SEMA3E: variants seen among roughly 807,000 people sequenced by gnomAD.
SEMA3E encodes the protein semaphorin 3E, also known as semaphorin-3E.
A neutral mutation model predicts 93.6 loss-of-function variants in SEMA3E; 49 were observed. That is an observed-to-expected ratio of 0.52 (90% CI 0.42 to 0.66). The LOEUF (loss-of-function observed/expected upper bound fraction) is 0.66. Among genes scored for constraint, SEMA3E ranks in the 30% least tolerant of loss-of-function variants. The probability of loss-of-function intolerance (pLI) is 0.00; values close to 1 mark genes in which losing one functional copy is unlikely to be tolerated. For synonymous variants in SEMA3E, 363 were observed against 330.7 expected (o/e 1.10, Z -1.06); for missense variants, 906 against 964.8 (o/e 0.94, Z 0.81).
intron 1 of SEMA3E, among the ~76,000 whole-genome samples, chr7:83,617,243 A>T (rs1022993070): frequency 6.6e-6 from 1 of 151,362 alleles, no homozygotes; most frequent in Admixed American, 6.6e-5. Context: ...CAAGGTTTAT[A>T]TATAATCCTC....
intron 4 of SEMA3E, among the ~76,000 whole-genome samples, chr7:83,444,939 G>A (rs1157379739): frequency 6.6e-6 from 1 of 152,098 alleles, no homozygotes; most frequent in Non-Finnish European, 1.5e-5. Flanking sequence ...CCAAAGTGCT[G>A]GGATTACAGG....
In SEMA3E at chr7:83,453,470, C is replaced by T. The variant is rs532373080; in HGVS notation, c.456+13012G>A. ...GTCAGGTAATCTCTATTTTTATGGC[C>T]CGTAATCTCCATTACATTTCTAGCA... On this transcript the variant is annotated intron_variant, in intron 4 of 16. Coordinates refer to ENST00000643230, the MANE Select transcript of SEMA3E (RefSeq NM_012431.3). Among the ~76,000 whole-genome samples, 5 of 149,734 alleles carry T rather than the reference C, an allele frequency of 3.3e-5. No homozygotes were observed. In the South Asian group the frequency reaches 1.1e-3, roughly 32 times the overall value.
chr7:83,609,768 T>C (rs904880967), intron 1 of SEMA3E, among the ~76,000 whole-genome samples: 6 of 151,992 alleles, frequency 3.9e-5, no homozygotes, highest in African/African-American at 9.7e-5. Flanking sequence ...GTTTATCACT[T>C]TCTTATCTGA....
chr7:83,411,700 AC>A (rs1788442016), intron 5 of SEMA3E, among the ~76,000 whole-genome samples: 1 of 152,142 alleles, frequency 6.6e-6, no homozygotes, highest in Admixed American at 6.5e-5. Flanking sequence ...ATTTATTATA[AC>A]TATTTGGTAT....
chr7:83,625,754 T>C (rs1220904537), intron 1 of SEMA3E, among the ~76,000 whole-genome samples: 1 of 151,462 alleles, frequency 6.6e-6, no homozygotes, highest in Non-Finnish European at 1.5e-5. Context: ...TAAATAGGAG[T>C]GGGGAGAGAG....
At chr7:83,553,509 C>T (rs1791818966) in intron 1 of SEMA3E, among the ~76,000 whole-genome samples, 2 of 152,148 alleles carry the variant, frequency 1.3e-5, no homozygotes, top group Admixed American at 1.3e-4. Flanking sequence ...TTAATTTCCT[C>T]AGGGCTAGTA....
chr7:83,424,346 C>A (rs1788728117), intron 4 of SEMA3E, among the ~76,000 whole-genome samples: 1 of 152,126 alleles, frequency 6.6e-6, no homozygotes, highest in Non-Finnish European at 1.5e-5. Context: ...TCGACCCTGT[C>A]CTGAAACTTG....
At position 83,494,038 on chromosome 7, in the gene SEMA3E, T is replaced by A. The variant is rs553738105; in HGVS notation, c.116-3764A>T. Among the ~76,000 whole-genome samples the A allele has an allele frequency of 2.0e-5, 3 of 152,032 alleles. No individual in the cohort carries two copies. The East Asian group carries it at 5.8e-4, about 29-fold the overall frequency. On this transcript the variant is annotated intron_variant, in intron 1 of 16. Coordinates refer to ENST00000643230, the MANE Select transcript of SEMA3E (RefSeq NM_012431.3). ...TCTTATTTATTCAATATTAACTCAA[T>A]TTTTCTACTTTATTTGATTAATTTG...
At chr7:83,495,294 C>A (rs538086790) in intron 1 of SEMA3E, among the ~76,000 whole-genome samples, 1 of 151,636 alleles carries the variant, frequency 6.6e-6, no homozygotes, top group African/African-American at 2.4e-5. Flanking sequence ...TCATTTTTCC[C>A]GATAATAACT....
chr7:83,549,706 T>C (rs1791721447), intron 1 of SEMA3E, among the ~76,000 whole-genome samples: 1 of 152,098 alleles, frequency 6.6e-6, no homozygotes, highest in African/African-American at 2.4e-5. Context: ...TTTATCCACT[T>C]ATTTTCATCT....
At chr7:83,556,648 A>G (rs1190712090) in intron 1 of SEMA3E, among the ~76,000 whole-genome samples, 1 of 151,688 alleles carries the variant, frequency 6.6e-6, no homozygotes, top group Non-Finnish European at 1.5e-5. Context: ...GGGGATCTCA[A>G]GTAAATTATT....
chr7:83,550,918 C>T (rs1791750965), intron 1 of SEMA3E, among the ~76,000 whole-genome samples: 1 of 151,974 alleles, frequency 6.6e-6, no homozygotes, highest in African/African-American at 2.4e-5. Context: ...CATTTCAATA[C>T]ACATATAAAA....
At chr7:83,436,278 G>A (rs1789002693) in intron 4 of SEMA3E, among the ~76,000 whole-genome samples, 1 of 151,656 alleles carries the variant, frequency 6.6e-6, no homozygotes, top group African/African-American at 2.4e-5. Flanking sequence ...AAATAAAAAT[G>A]TTGTCTGATC....
In SEMA3E at chr7:83,484,380, TA is replaced by T. The variant is rs1243102259; in HGVS notation, c.276+5733del. Reference sequence around the variant, plus strand: ...TCATCCATTGCTACTTTCTCCTCATTAATTGAATATGTTTTCACCTAGCTTA... The same window carrying T: ...TCATCCATTGCTACTTTCTCCTCATTATTGAATATGTTTTCACCTAGCTTA... On this transcript the variant is annotated intron_variant, in intron 2 of 16. Transcript: ENST00000643230. 2.0e-5 allele frequency among the ~76,000 whole-genome samples: 3 copies of T among 152,008 alleles called. No homozygotes were observed. In the East Asian group the frequency reaches 5.8e-4, roughly 29 times the overall value.
At chr7:83,599,750 G>A (rs2115976549) in intron 1 of SEMA3E, among the ~76,000 whole-genome samples, 1 of 152,254 alleles carries the variant, frequency 6.6e-6, no homozygotes, top group East Asian at 1.9e-4. Context: ...TGTCTATGGT[G>A]TTCCAACCAT....
In SEMA3E at chr7:83,389,958, A is replaced by AT. The variant is rs747978535; in HGVS notation, c.1667+2596_1667+2597insA. Among the ~76,000 whole-genome samples the AT allele has an allele frequency of 1.0e-4, 4 of 38,346 alleles. 1 individual carries two copies. The highest frequency in any genetic ancestry group is 2.8e-4 in the African/African-American group (4 of 14,544). 25.2% of individuals were successfully genotyped at this position (38,346 alleles called of 152,430 possible). A position where few individuals can be genotyped will look rare whatever the true frequency, so the allele number is the denominator to read the frequency against. On this transcript the variant is annotated intron_variant, in intron 14 of 16. Coordinates refer to ENST00000643230, the MANE Select transcript of SEMA3E (RefSeq NM_012431.3). ...TACATATATACACGTATATGTGTAT[A>AT]GTGTATACGTATACACATATATACG...
At chr7:83,374,523 G>A (rs1794794840) in intron 16 of SEMA3E, among the ~76,000 whole-genome samples, 1 of 152,214 alleles carries the variant, frequency 6.6e-6, no homozygotes, top group East Asian at 1.9e-4. Context: ...TTACACTCTG[G>A]ATGTCCACAT....
intron 4 of SEMA3E, among the ~76,000 whole-genome samples, chr7:83,455,976 C>G (rs1244601283): frequency 1.3e-5 from 2 of 152,200 alleles, no homozygotes; most frequent in East Asian, 3.9e-4. Flanking sequence ...GAGGAGCCAA[C>G]TAAACAGTGC....
intron 4 of SEMA3E, among the ~76,000 whole-genome samples, chr7:83,418,870 G>T (rs574053223): frequency 1.4e-5 from 2 of 140,998 alleles, no homozygotes; most frequent in Non-Finnish European, 3.1e-5. Flanking sequence ...AGCATATCAA[G>T]AATGCTGTTG....
Sources: gnomAD v4.1 joint callset for allele counts (sites outside exome capture counted in the v4.1 genomes callset) on GRCh38, gnomAD v4.1.1 for gene constraint, MANE v1.5 for transcripts, NCBI Gene and HGNC (gene_info 2026-07-23, HGNC 2026-07-21) for gene names.